The following SMYD3 variants were observed in gnomAD, a reference collection of about 807,000 sequenced individuals.
SMYD3 encodes SET and MYND domain containing 3, also known as histone-lysine N-methyltransferase SMYD3.
SMYD3 carries 36 observed loss-of-function variants against 57.7 expected under a neutral mutation model. That is an observed-to-expected ratio of 0.62 (90% CI 0.48 to 0.82). The LOEUF (loss-of-function observed/expected upper bound fraction) is 0.82, where lower values mean the gene tolerates loss of function less well. Ranked by LOEUF, SMYD3 falls within the 40% of genes least tolerant of loss-of-function variation. SMYD3 has a pLI of 0.00. For synonymous variants in SMYD3, 211 were observed against 195.0 expected (o/e 1.08, Z -0.68); for missense variants, 515 against 538.8 (o/e 0.96, Z 0.44).
intron 9 of SMYD3, 38 bp downstream of exon 9, chr1:245,863,761 T>C (rs2051680142): frequency 1.9e-6 from 3 of 1,584,210 alleles, no homozygotes; most frequent in Non-Finnish European, 8.7e-7. Context: ...AAGGAAACAA[T>C]CCCAACAGTC....
At chr1:245,907,087 G>A (rs2054615649) in intron 8 of SMYD3, among the ~76,000 whole-genome samples, 1 of 152,180 alleles carries the variant, frequency 6.6e-6, no homozygotes, top group Admixed American at 6.5e-5. Context: ...GGTTTACAGG[G>A]GACGTGAGGA....
intron 5 of SMYD3, among the ~76,000 whole-genome samples, chr1:246,239,619 C>G (rs2063571688): frequency 2.0e-5 from 3 of 152,144 alleles, no homozygotes; most frequent in East Asian, 1.9e-4. Flanking sequence ...AATGGGATGG[C>G]TGGGTCAAAT....
At chr1:246,291,492 G>A (rs573848488) in intron 5 of SMYD3, among the ~76,000 whole-genome samples, 1 of 152,260 alleles carries the variant, frequency 6.6e-6, no homozygotes, top group South Asian at 2.1e-4. Flanking sequence ...GTCAAATAGA[G>A]TAATATCTAC....
chr1:245,849,363 G>C (rs1245603572), intron 10 of SMYD3, among the ~76,000 whole-genome samples: 1 of 152,142 alleles, frequency 6.6e-6, no homozygotes, highest in Non-Finnish European at 1.5e-5. Context: ...GCATCGGGAG[G>C]ATATTTTACA....
chr1:246,441,634 T>A (rs898059829), intron 1 of SMYD3, among the ~76,000 whole-genome samples: 1 of 152,176 alleles, frequency 6.6e-6, no homozygotes, highest in African/African-American at 2.4e-5. Flanking sequence ...CCCCTTGAGA[T>A]AGAGTCTCAC....
chr1:245,764,177 T>A (rs759643804), intron 10 of SMYD3, 28 bp from the exon 11 acceptor site: 2 of 1,469,750 alleles, frequency 1.4e-6, no homozygotes, highest in East Asian at 4.5e-5. Flanking sequence ...GCAAACAGTG[T>A]CAGCAGCCCT....
chr1:246,166,327 T>C (rs923332997), intron 5 of SMYD3, among the ~76,000 whole-genome samples: 1 of 152,120 alleles, frequency 6.6e-6, no homozygotes, highest in Non-Finnish European at 1.5e-5. Context: ...ATAGGGTTCT[T>C]TCAGATTCTC....
chr1:246,318,424 G>C (rs2148645976), intron 5 of SMYD3, among the ~76,000 whole-genome samples: 1 of 152,250 alleles, frequency 6.6e-6, no homozygotes, highest in South Asian at 2.1e-4. Flanking sequence ...ATTTATCAAA[G>C]TGTGCTCCAC....
At chr1:245,808,794 A>G (rs1242897879) in intron 10 of SMYD3, among the ~76,000 whole-genome samples, 1 of 151,678 alleles carries the variant, frequency 6.6e-6, no homozygotes, top group South Asian at 2.1e-4. Context: ...ACAGAGTCTC[A>G]TTTTGTTGCC....
intron 5 of SMYD3, among the ~76,000 whole-genome samples, chr1:246,254,968 A>G (rs1237321115): frequency 6.6e-6 from 1 of 152,210 alleles, no homozygotes; most frequent in Admixed American, 6.5e-5. Flanking sequence ...TGATTTCTGC[A>G]CACTTATTTT....
intron 8 of SMYD3, among the ~76,000 whole-genome samples, chr1:245,913,917 A>T (rs1481048500): frequency 6.6e-6 from 1 of 152,242 alleles, no homozygotes; most frequent in Non-Finnish European, 1.5e-5. Flanking sequence ...ATGAGGTGTC[A>T]TCTCACCCCA....
chr1:246,286,066 T>A lies in SMYD3; in HGVS notation c.531+41135A>T, dbSNP rs574440207. ...GGAATGTAAACCAGTACAACCACTA[T>A]GGAAAACAGTGTGGAGATTCCTTAA... is the stretch of plus-strand genomic sequence containing the variant. On this transcript the variant is annotated intron_variant, in intron 5 of 11. Coordinates refer to ENST00000490107, the MANE Select transcript of SMYD3 (RefSeq NM_001167740.2). Among the ~76,000 whole-genome samples the A allele has an allele frequency of 7.9e-5, 12 of 152,294 alleles. No homozygotes were observed. In the South Asian group the frequency reaches 2.3e-3, roughly 29 times the overall value.
At chr1:246,062,629 C>A (rs2060273833) in intron 5 of SMYD3, among the ~76,000 whole-genome samples, 1 of 152,164 alleles carries the variant, frequency 6.6e-6, no homozygotes, top group Non-Finnish European at 1.5e-5. Flanking sequence ...TTTAACATTT[C>A]ATTTTTGAAA....
At chr1:246,433,466 G>A (rs781512015) in intron 1 of SMYD3, among the ~76,000 whole-genome samples, 2 of 152,102 alleles carry the variant, frequency 1.3e-5, no homozygotes, top group Non-Finnish European at 2.9e-5. Flanking sequence ...TTTGAGACCA[G>A]CCTGGACAAC....
At chr1:246,313,316 C>T (rs994381816) in intron 5 of SMYD3, among the ~76,000 whole-genome samples, 2 of 152,096 alleles carry the variant, frequency 1.3e-5, no homozygotes, top group African/African-American at 4.8e-5. Flanking sequence ...ATATACCTTA[C>T]CAACTTCTGC....
intron 10 of SMYD3, among the ~76,000 whole-genome samples, chr1:245,802,838 A>T (rs2148246630): frequency 6.6e-6 from 1 of 152,354 alleles, no homozygotes; most frequent in East Asian, 1.9e-4. Context: ...GCCTCGTCTT[A>T]AGCTCTTATC....
At chr1:245,885,828 C>T (rs951182879) in intron 8 of SMYD3, among the ~76,000 whole-genome samples, 9 of 152,086 alleles carry the variant, frequency 5.9e-5, no homozygotes, top group Non-Finnish European at 1.3e-4. Flanking sequence ...TGACCTTATT[C>T]ATAACATGAA....
At chr1:246,461,170 C>A (rs2067791907) in intron 1 of SMYD3, among the ~76,000 whole-genome samples, 1 of 152,150 alleles carries the variant, frequency 6.6e-6, no homozygotes, top group South Asian at 2.1e-4. Context: ...TATTAATAAT[C>A]TGATTTTGTT....
intron 10 of SMYD3, among the ~76,000 whole-genome samples, chr1:245,781,400 G>A (rs965489314): frequency 8.5e-5 from 13 of 152,192 alleles, no homozygotes; most frequent in South Asian, 2.1e-4. Flanking sequence ...AAATGATTAC[G>A]GAATTCTTAA....
Sources: allele counts gnomAD v4.1 joint callset (sites outside exome capture counted in the v4.1 genomes callset), GRCh38; gene constraint gnomAD v4.1.1; transcripts MANE v1.5; gene names NCBI Gene and HGNC (gene_info 2026-07-23, HGNC 2026-07-21).